The following STAG1 variants were observed in gnomAD, a reference collection of about 807,000 sequenced individuals.
STAG1 encodes the protein STAG1 cohesin complex component.
A neutral mutation model predicts 170.9 loss-of-function variants in STAG1; 26 were observed. The observed-to-expected ratio is 0.15, with a 90% CI of 0.11 to 0.21. STAG1 has a LOEUF of 0.21. STAG1 is among the 10% of genes least tolerant of loss of function. The pLI is 1.00. For synonymous variants in STAG1, 514 were observed against 497.7 expected, an observed-to-expected ratio of 1.03 and a Z score of -0.44; for missense variants, 964 against 1,509.5, an observed-to-expected ratio of 0.64 and a Z score of 5.99.
intron 12 of STAG1, 99 bp from the exon 13 acceptor site, chr3:136,465,087 TTAA>T: frequency 2.8e-6 from 2 of 725,818 alleles, no homozygotes; most frequent in East Asian, 6.0e-5. Context: ...AGCTCAAGAC[TTAA>T]TAATTGTTGT....
Position 136,580,107 on chromosome 3 carries a change from A to G in STAG1, c.298-11246T>C, listed in dbSNP as rs1185888883. Among the ~76,000 whole-genome samples, 6 of 151,842 alleles carry G rather than the reference A, an allele frequency of 4.0e-5. 1 individual carries two copies. Among genetic ancestry groups the G allele is most frequent in the African/African-American group, 1.2e-4 (5 of 41,384 alleles). ...CTCAGCCTCCCAAGTAGCTGGGACT[A>G]CAGGCGTGCACCACCACGCACAGCT... On this transcript the variant is annotated intron_variant, in intron 4 of 33. Coordinates refer to ENST00000383202, the MANE Select transcript of STAG1 (RefSeq NM_005862.3).
chr3:136,448,760 G>A (rs765833277), intron 14 of STAG1, among the ~76,000 whole-genome samples: 4 of 152,108 alleles, frequency 2.6e-5, no homozygotes, highest in Admixed American at 6.6e-5. Context: ...CCAACATGGC[G>A]AAACTCCATC....
intron 1 of STAG1, among the ~76,000 whole-genome samples, chr3:136,668,337 CCA>C (rs1941869502): frequency 7.1e-6 from 1 of 140,420 alleles, no homozygotes; most frequent in South Asian, 2.2e-4. Context: ...ATGATATATA[CCA>C]TATATTATAC....
chr3:136,664,566 T>C (rs2107868369), intron 1 of STAG1, among the ~76,000 whole-genome samples: 1 of 152,352 alleles, frequency 6.6e-6, no homozygotes, highest in Middle Eastern at 3.4e-3. Context: ...ATGGAGCTTT[T>C]TTAGATGGTT....
At chr3:136,684,418 T>TA (rs1042422592) in intron 1 of STAG1, among the ~76,000 whole-genome samples, 1 of 151,778 alleles carries the variant, frequency 6.6e-6, no homozygotes, top group Non-Finnish European at 1.5e-5. Context: ...GCAAAGGTAA[T>TA]ACAATGAAGA....
chr3:136,720,364 G>C (rs570838785), intron 1 of STAG1, among the ~76,000 whole-genome samples: 1 of 152,234 alleles, frequency 6.6e-6, no homozygotes, highest in South Asian at 2.1e-4. Context: ...CAATGGTGAG[G>C]AGTATTCAAA....
chr3:136,436,748 T>C (rs2088473373), intron 15 of STAG1, among the ~76,000 whole-genome samples: 1 of 152,210 alleles, frequency 6.6e-6, no homozygotes, highest in Non-Finnish European at 1.5e-5. Context: ...ACATTGATTA[T>C]TTTAAACTAA....
chr3:136,678,189 AT>A (rs991076704), intron 1 of STAG1, among the ~76,000 whole-genome samples: 3 of 151,138 alleles, frequency 2.0e-5, no homozygotes, highest in Non-Finnish European at 4.4e-5. Context: ...TAAGAAAAAA[AT>A]CGAGTTTATA....
intron 6 of STAG1, among the ~76,000 whole-genome samples, chr3:136,528,496 C>A (rs1224486759): frequency 3.6e-5 from 2 of 55,336 alleles, no homozygotes; most frequent in South Asian, 9.5e-4. Context: ...GTCCCCGCAC[C>A]CCCCCCCCCA....
chr3:136,542,276 T>C (rs1935946997), intron 5 of STAG1, 81 bp from the exon 6 acceptor site: 2 of 987,220 alleles, frequency 2.0e-6, no homozygotes, highest in African/African-American at 1.6e-5. Flanking sequence ...TAACAAGTTA[T>C]CTGTGAGAAT....
At chr3:136,370,071 CTATA>C (rs1560064446) in intron 23 of STAG1, among the ~76,000 whole-genome samples, 220 of 149,494 alleles carry the variant, frequency 1.5e-3, no homozygotes, top group Middle Eastern at 0.01. Context: ...CTATACTATA[CTATA>C]CTATACTATA....
At chr3:136,394,781 C>T (rs1448230711) in intron 22 of STAG1, among the ~76,000 whole-genome samples, 3 of 151,466 alleles carry the variant, frequency 2.0e-5, no homozygotes. Context: ...GGTGAAACCC[C>T]GTCTCTACTA....
At chr3:136,436,686 G>C (rs1172262186) in intron 15 of STAG1, among the ~76,000 whole-genome samples, 1 of 152,138 alleles carries the variant, frequency 6.6e-6, no homozygotes, top group African/African-American at 2.4e-5. Context: ...TATAGACACA[G>C]AACTAGGTAT....
intron 1 of STAG1, among the ~76,000 whole-genome samples, chr3:136,691,956 T>C (rs1270844970): frequency 6.6e-6 from 1 of 152,206 alleles, no homozygotes; most frequent in African/African-American, 2.4e-5. Flanking sequence ...ACTATTGTCC[T>C]TCCCCAGTGA....
chr3:136,518,741 T>C (rs991071851), intron 7 of STAG1, among the ~76,000 whole-genome samples: 1 of 152,158 alleles, frequency 6.6e-6, no homozygotes, highest in African/African-American at 2.4e-5. Context: ...CGTATGTTGT[T>C]AATTTGTTTT....
At chr3:136,441,426 T>C (rs2088629273) in intron 15 of STAG1, among the ~76,000 whole-genome samples, 1 of 152,198 alleles carries the variant, frequency 6.6e-6, no homozygotes, top group Non-Finnish European at 1.5e-5. Flanking sequence ...TATAGCATAA[T>C]AAGCTCTTCC....
In STAG1 at chr3:136,576,439, T is replaced by C. The variant is rs146140187; in HGVS notation, c.298-7578A>G. 3.2e-3 allele frequency among the ~76,000 whole-genome samples: 484 copies of C among 152,220 alleles called. 6 individuals carry two copies. Among genetic ancestry groups the C allele is most frequent in the African/African-American group, 0.011 (468 of 41,526 alleles). ...AGCCATAGATCCTCAATGAGAAAGC[T>C]ATAACAAGCAGCATCTGAATCATAG... On this transcript the variant is annotated intron_variant, in intron 4 of 33. Coordinates refer to ENST00000383202, the MANE Select transcript of STAG1 (RefSeq NM_005862.3).
chr3:136,357,893 T>G, intron 27 of STAG1, 45 bp from the exon 28 acceptor site: 1 of 1,497,496 alleles, frequency 6.7e-7, no homozygotes, highest in Non-Finnish European at 9.1e-7. Flanking sequence ...GATAGTGTAA[T>G]TCTCTCAATT....
intron 7 of STAG1, among the ~76,000 whole-genome samples, chr3:136,511,921 C>A (rs754289202): frequency 7.8e-6 from 1 of 127,934 alleles, no homozygotes; most frequent in Non-Finnish European, 1.7e-5. Flanking sequence ...TTTAAAATCA[C>A]AGAAAGGGTA....
Sources: allele counts gnomAD v4.1 joint callset (sites outside exome capture counted in the v4.1 genomes callset), GRCh38; gene constraint gnomAD v4.1.1; transcripts MANE v1.5; gene names NCBI Gene and HGNC (gene_info 2026-07-23, HGNC 2026-07-21).